KCNB2: variants seen among roughly 807,000 people sequenced by gnomAD.
KCNB2 encodes the protein potassium voltage-gated channel subfamily B member 2.
KCNB2 carries 15 observed loss-of-function variants against 61.5 expected under a neutral mutation model. The observed-to-expected ratio is 0.24, with a 90% CI of 0.16 to 0.38. The LOEUF is 0.38. Among genes scored for constraint, KCNB2 ranks in the 10% least tolerant of loss-of-function variants. KCNB2 has a pLI of 1.00. For missense variants in KCNB2, 828 were observed against 1,125.2 expected (o/e 0.74, Z 3.78); for synonymous variants, 457 against 446.0 (o/e 1.02, Z -0.31).
intron 2 of KCNB2, among the ~76,000 whole-genome samples, chr8:72,763,120 G>A (rs10957616): frequency 0.09 from 13,644 of 151,144 alleles, 1,232 homozygotes; most frequent in East Asian, 0.51. Context: ...TAAAGCTGAG[G>A]AACTGATATC....
chr8:72,698,602 G>A (rs749296641), intron 2 of KCNB2, among the ~76,000 whole-genome samples: 28 of 152,004 alleles, frequency 1.8e-4, no homozygotes, highest in Middle Eastern at 3.2e-3. Context: ...CACATTACCC[G>A]ACCTCAAACT....
chr8:72,907,732 C>T (rs1806204005), intron 2 of KCNB2, among the ~76,000 whole-genome samples: 1 of 152,194 alleles, frequency 6.6e-6, no homozygotes. Context: ...CTCTCTCTGC[C>T]TCTATGTCCC....
At chr8:72,658,133 T>C (rs1585811692) in intron 2 of KCNB2, among the ~76,000 whole-genome samples, 1 of 152,154 alleles carries the variant, frequency 6.6e-6, no homozygotes, top group Non-Finnish European at 1.5e-5. Flanking sequence ...AAGAAAGGTA[T>C]GTCAAAGCCA....
chr8:72,647,357 C>A (rs1806144698), intron 2 of KCNB2, among the ~76,000 whole-genome samples: 1 of 151,568 alleles, frequency 6.6e-6, no homozygotes, highest in African/African-American at 2.4e-5. Context: ...CATTGTTTTT[C>A]CTCTTTTATT....
intron 2 of KCNB2, among the ~76,000 whole-genome samples, chr8:72,920,455 ATCTATCTATCTATCTATC>A (rs1563424615): frequency 2.7e-3 from 177 of 65,760 alleles, no homozygotes; most frequent in Non-Finnish European, 3.1e-3. Context: ...CTATCTATCT[ATCTATCTATCTATCTATC>A]TATATATATA....
At chr8:72,587,382 A>G (rs1807016477) in intron 2 of KCNB2, among the ~76,000 whole-genome samples, 1 of 152,162 alleles carries the variant, frequency 6.6e-6, no homozygotes, top group Non-Finnish European at 1.5e-5. Context: ...AGAAGCAGCG[A>G]ATGACTTTGT....
chr8:72,625,136 G>T (rs1304764437), intron 2 of KCNB2, among the ~76,000 whole-genome samples: 1 of 152,180 alleles, frequency 6.6e-6, no homozygotes, highest in Admixed American at 6.5e-5. Flanking sequence ...CTCCTGACTC[G>T]CAGAAGCTGT....
chr8:72,748,987 G>GT (rs1808135255), intron 2 of KCNB2, among the ~76,000 whole-genome samples: 1 of 151,994 alleles, frequency 6.6e-6, no homozygotes, highest in Non-Finnish European at 1.5e-5. Context: ...TGTACCCTTT[G>GT]ACCAACACCT....
intron 2 of KCNB2, among the ~76,000 whole-genome samples, chr8:72,804,665 G>T (rs72670022): frequency 7.9e-5 from 12 of 152,252 alleles, no homozygotes; most frequent in Non-Finnish European, 1.8e-4. Flanking sequence ...GACTTGTGGG[G>T]CTTTGCCACA....
chr8:72,847,731 C>A (rs1317906279), intron 2 of KCNB2, among the ~76,000 whole-genome samples: 1 of 152,044 alleles, frequency 6.6e-6, no homozygotes, highest in Non-Finnish European at 1.5e-5. Flanking sequence ...ATAAAAAAAA[C>A]AGTGATTGTC....
chr8:72,572,554 C>T (rs1267261218), intron 2 of KCNB2, among the ~76,000 whole-genome samples: 1 of 151,040 alleles, frequency 6.6e-6, no homozygotes, highest in African/African-American at 2.4e-5. Context: ...CCTCCTCTCT[C>T]TCTCAGGCTC....
intron 2 of KCNB2, among the ~76,000 whole-genome samples, chr8:72,747,820 T>C (rs572998453): frequency 2.6e-5 from 4 of 152,356 alleles, no homozygotes; most frequent in African/African-American, 9.6e-5. Flanking sequence ...CAACTTACTG[T>C]AATATTGTCA....
At position 72,815,008 on chromosome 8, in the gene KCNB2, A is replaced by G. The variant is rs549161158; in HGVS notation, c.580-120927A>G. On this transcript the variant is annotated intron_variant, in intron 2 of 2. Transcript: ENST00000523207. ...AGAGATATTTTTCTACTGAGGTTGT[A>G]TAATTCCTTGTAAAATGATGAGTTA... Among the ~76,000 whole-genome samples the G allele has an allele frequency of 3.3e-5, 5 of 152,292 alleles. No individual in the cohort carries two copies. In the East Asian group the frequency reaches 5.8e-4, roughly 18 times the overall value.
At chr8:72,931,484 T>A (rs1806782058) in intron 2 of KCNB2, among the ~76,000 whole-genome samples, 1 of 152,118 alleles carries the variant, frequency 6.6e-6, no homozygotes, top group Non-Finnish European at 1.5e-5. Flanking sequence ...TGAGCAGTGG[T>A]TTGTAGTTCT....
chr8:72,765,122 C>T (rs1808440949), intron 2 of KCNB2, among the ~76,000 whole-genome samples: 1 of 152,152 alleles, frequency 6.6e-6, no homozygotes, highest in African/African-American at 2.4e-5. Flanking sequence ...GTTGCCTGAA[C>T]TACACTGCAG....
chr8:72,683,623 A>G (rs1806799252), intron 2 of KCNB2, among the ~76,000 whole-genome samples: 2 of 152,186 alleles, frequency 1.3e-5, no homozygotes, highest in Non-Finnish European at 2.9e-5. Context: ...TTGGTCAGGG[A>G]GAGCAGGACA....
At chr8:72,687,222 C>G (rs72668182) in intron 2 of KCNB2, among the ~76,000 whole-genome samples, 2 of 152,174 alleles carry the variant, frequency 1.3e-5, no homozygotes, top group Non-Finnish European at 2.9e-5. Flanking sequence ...TTTAGAAACT[C>G]AGTTAATCAA....
At chr8:72,687,753 C>G (rs943109482) in intron 2 of KCNB2, among the ~76,000 whole-genome samples, 5 of 152,128 alleles carry the variant, frequency 3.3e-5, no homozygotes, top group African/African-American at 1.2e-4. Flanking sequence ...GATAAAAGAG[C>G]CTTGGAAATG....
chr8:72,544,144 C>T lies in KCNB2; in HGVS notation c.-94+6259C>T, dbSNP rs114580348. ...ATTTTTAAAAGATGAGTAAGCATTC[C>T]CCAAGTGGAAAAGGAGGTAGATGGA... On this transcript the variant is annotated intron_variant, in intron 1 of 2. Transcript: ENST00000523207. 8.2e-3 allele frequency among the ~76,000 whole-genome samples: 1,242 copies of T among 152,038 alleles called. 19 individuals carry two copies. Among genetic ancestry groups the T allele is most frequent in the African/African-American group, 0.028 (1,148 of 41,448 alleles).
Sources: gnomAD v4.1 joint callset for allele counts (sites outside exome capture counted in the v4.1 genomes callset) on GRCh38, gnomAD v4.1.1 for gene constraint, MANE v1.5 for transcripts, NCBI Gene and HGNC (gene_info 2026-07-23, HGNC 2026-07-21) for gene names.